Variants in SOX6 observed in about 807,000 individuals in gnomAD.
The protein encoded by SOX6 is transcription factor SOX-6.
SOX6 carries 11 observed loss-of-function variants against 97.8 expected under a neutral mutation model. The ratio of observed to expected loss-of-function variants is 0.11; its 90% CI spans 0.07 to 0.19. The LOEUF (loss-of-function observed/expected upper bound fraction) is 0.19, where lower values mean the gene tolerates loss of function less well. SOX6 is among the 10% of genes least tolerant of loss of function. The pLI, the probability that SOX6 is intolerant of heterozygous loss-of-function variation, is 1.00. For synonymous variants in SOX6, 360 were observed against 371.4 expected, an observed-to-expected ratio of 0.97 and a Z score of 0.35; for missense variants, 810 against 1,039.5, an observed-to-expected ratio of 0.78 and a Z score of 3.04.
intron 3 of SOX6, among the ~76,000 whole-genome samples, chr11:16,248,245 CTG>C (rs1291117934): frequency 1.3e-5 from 2 of 151,976 alleles, no homozygotes; most frequent in Non-Finnish European, 2.9e-5. Flanking sequence ...CATTGAGTGT[CTG>C]TGGCTTTACC....
At chr11:16,666,209 CCAAA>C (rs1847806025) in intron 3 of SOX6, among the ~76,000 whole-genome samples, 1 of 152,074 alleles carries the variant, frequency 6.6e-6, no homozygotes, top group Non-Finnish European at 1.5e-5. Flanking sequence ...CATGACTTCA[CCAAA>C]CAAACTAAAT....
At chr11:16,191,881 T>C (rs1218293095) in intron 4 of SOX6, among the ~76,000 whole-genome samples, 1 of 151,038 alleles carries the variant, frequency 6.6e-6, no homozygotes, top group African/African-American at 2.4e-5. Flanking sequence ...TCTTTTTTTT[T>C]GTTCCATGGG....
intron 3 of SOX6, among the ~76,000 whole-genome samples, chr11:16,269,036 C>CT (rs796737369): frequency 1.8e-4 from 26 of 143,118 alleles, no homozygotes; most frequent in African/African-American, 2.3e-4. Flanking sequence ...CAATATATTG[C>CT]TTTTTTTTTT....
intron 4 of SOX6, among the ~76,000 whole-genome samples, chr11:16,570,316 T>C (rs954673364): frequency 2.0e-5 from 3 of 152,098 alleles, no homozygotes; most frequent in Non-Finnish European, 2.9e-5. Flanking sequence ...AAATATTTGT[T>C]GACTGGGAAA....
At chr11:16,341,825 C>T (rs1856646623) in intron 1 of SOX6, among the ~76,000 whole-genome samples, 1 of 151,976 alleles carries the variant, frequency 6.6e-6, no homozygotes, top group South Asian at 2.1e-4. Flanking sequence ...TAGGGCTGGG[C>T]CTAACACTAC....
At chr11:16,170,306 T>C (rs527384050) in intron 6 of SOX6, among the ~76,000 whole-genome samples, 1 of 152,084 alleles carries the variant, frequency 6.6e-6, no homozygotes, top group South Asian at 2.1e-4. Flanking sequence ...ACATGAGAGC[T>C]CTAACCACTT....
chr11:16,396,445 C>A (rs1250918646), intron 1 of SOX6, among the ~76,000 whole-genome samples: 1 of 151,544 alleles, frequency 6.6e-6, no homozygotes, highest in East Asian at 1.9e-4. Context: ...ATTTCCGACA[C>A]TGAATTTTTA....
intron 15 of SOX6, among the ~76,000 whole-genome samples, chr11:15,975,411 A>G (rs1853445251): frequency 6.6e-6 from 1 of 152,174 alleles, no homozygotes; most frequent in South Asian, 2.1e-4. Context: ...TGCAATGTTA[A>G]CCCATTTTAC....
chr11:16,426,871 G>A (rs993252368), intron 1 of SOX6, among the ~76,000 whole-genome samples: 11 of 118,024 alleles, frequency 9.3e-5, no homozygotes, highest in Non-Finnish European at 1.5e-4. Flanking sequence ...CCGAGATCCC[G>A]CCACTGCACT....
At chr11:16,203,167 A>G (rs1215060983) in intron 4 of SOX6, among the ~76,000 whole-genome samples, 1 of 152,122 alleles carries the variant, frequency 6.6e-6, no homozygotes, top group Non-Finnish European at 1.5e-5. Context: ...CTACAACCCA[A>G]TGTAACTGAA....
At chr11:16,495,745 C>A (rs1254175500) in intron 4 of SOX6, among the ~76,000 whole-genome samples, 2 of 152,212 alleles carry the variant, frequency 1.3e-5, no homozygotes, top group East Asian at 3.9e-4. Context: ...CCACTCCTGA[C>A]ACCCAAGAAG....
chr11:16,652,081 A>C (rs1405328980), intron 3 of SOX6, among the ~76,000 whole-genome samples: 2 of 152,198 alleles, frequency 1.3e-5, no homozygotes, highest in Non-Finnish European at 2.9e-5. Flanking sequence ...TCTACAAGAA[A>C]ACTACAAAAC....
At chr11:16,024,627 T>C (rs1286735583) in intron 12 of SOX6, among the ~76,000 whole-genome samples, 1 of 151,918 alleles carries the variant, frequency 6.6e-6, no homozygotes, top group African/African-American at 2.4e-5. Context: ...AGAATCTCAA[T>C]GCTATAAGCT....
intron 1 of SOX6, among the ~76,000 whole-genome samples, chr11:16,403,534 C>A (rs1281772868): frequency 6.6e-6 from 1 of 151,612 alleles, no homozygotes; most frequent in East Asian, 1.9e-4. Context: ...TGGATTTGTT[C>A]GTGACCCCTG....
chr11:16,087,836 A>G (rs1199726930), intron 9 of SOX6, among the ~76,000 whole-genome samples: 2 of 152,154 alleles, frequency 1.3e-5, no homozygotes, highest in East Asian at 3.9e-4. Flanking sequence ...ATTCATTGAT[A>G]CGTCCCCACT....
intron 3 of SOX6, among the ~76,000 whole-genome samples, chr11:16,709,922 C>A (rs373233107): frequency 8.5e-5 from 13 of 152,302 alleles, no homozygotes; most frequent in South Asian, 8.3e-4. Context: ...ATTATCAATT[C>A]TTTAATTCGT....
intron 5 of SOX6, among the ~76,000 whole-genome samples, chr11:16,185,986 A>G (rs1851462568): frequency 6.6e-6 from 1 of 152,192 alleles, no homozygotes; most frequent in Non-Finnish European, 1.5e-5. Flanking sequence ...CTGCACATTA[A>G]TTTAGATCTG....
At chr11:16,291,350 C>T (rs777379856) in intron 3 of SOX6, among the ~76,000 whole-genome samples, 119 of 122,842 alleles carry the variant, frequency 9.7e-4, no homozygotes, top group Non-Finnish European at 1.8e-3. Flanking sequence ...ATATCCTGCT[C>T]AATATAATGA....
intron 4 of SOX6, among the ~76,000 whole-genome samples, chr11:16,212,360 T>C (rs1006934293): frequency 1.8e-4 from 28 of 152,142 alleles, no homozygotes; most frequent in Admixed American, 5.9e-4. Context: ...TACATACATA[T>C]GAGTTTATAA....
Sources: gnomAD v4.1 joint callset for allele counts (sites outside exome capture counted in the v4.1 genomes callset) on GRCh38, gnomAD v4.1.1 for gene constraint, MANE v1.5 for transcripts, NCBI Gene and HGNC (gene_info 2026-07-23, HGNC 2026-07-21) for gene names.